The following EYS variants were observed in gnomAD, a reference collection of about 807,000 sequenced individuals.
EYS encodes the protein EGF-like photoreceptor maintenance factor.
Under a neutral mutation model 282.1 loss-of-function variants are expected in EYS, and 250 were observed. The ratio of observed to expected loss-of-function variants is 0.89; its 90% CI spans 0.80 to 0.98. The LOEUF (loss-of-function observed/expected upper bound fraction) is 0.98. Ranked by LOEUF, EYS falls within the 50% of genes least tolerant of loss-of-function variation. EYS has a pLI of 0.00. For synonymous variants in EYS, 1,355 were observed against 1,282.9 expected (o/e 1.06, Z -1.20); for missense variants, 4,016 against 3,709.0 (o/e 1.08, Z -2.15).
chr6:65,111,073 G>C (rs1231779318), intron 12 of EYS, among the ~76,000 whole-genome samples: 2 of 151,790 alleles, frequency 1.3e-5, no homozygotes, highest in East Asian at 1.9e-4. Flanking sequence ...TATGTGCATA[G>C]AAAATATTAA....
At chr6:64,036,368 T>C (rs1770121878) in intron 33 of EYS, among the ~76,000 whole-genome samples, 1 of 152,174 alleles carries the variant, frequency 6.6e-6, no homozygotes, top group Admixed American at 6.5e-5. Context: ...ATTTTGGGTA[T>C]AGAATATTGA....
At chr6:64,560,608 G>T (rs1316503742) in intron 26 of EYS, among the ~76,000 whole-genome samples, 1 of 151,938 alleles carries the variant, frequency 6.6e-6, no homozygotes, top group Non-Finnish European at 1.5e-5. Context: ...ATACCTGAAG[G>T]TCAGCGCTCT....
intron 33 of EYS, among the ~76,000 whole-genome samples, chr6:64,046,901 AG>A (rs1408114495): frequency 6.6e-6 from 1 of 152,170 alleles, no homozygotes; most frequent in Admixed American, 6.6e-5. Flanking sequence ...TGTAGGACAG[AG>A]GTCAGGGTTA....
chr6:64,299,069 G>T (rs1769137236), intron 30 of EYS, among the ~76,000 whole-genome samples: 1 of 152,186 alleles, frequency 6.6e-6, no homozygotes, highest in Admixed American at 6.5e-5. Context: ...AGGCCGGAAG[G>T]TTTTGCAAAA....
At chr6:64,531,543 C>A (rs569264824) in intron 26 of EYS, among the ~76,000 whole-genome samples, 66 of 106,364 alleles carry the variant, frequency 6.2e-4, no homozygotes, top group African/African-American at 1.8e-3. Context: ...CCCGCCACCA[C>A]GCCTGGTTTA....
chr6:64,360,124 C>T (rs112071017), intron 29 of EYS, among the ~76,000 whole-genome samples: 54 of 151,782 alleles, frequency 3.6e-4, no homozygotes, highest in South Asian at 1.2e-3. Context: ...TTATTGTACA[C>T]GTTTACGTTC....
intron 5 of EYS, among the ~76,000 whole-genome samples, chr6:65,442,399 AT>A (rs1768367214): frequency 6.6e-6 from 1 of 152,022 alleles, no homozygotes; most frequent in South Asian, 2.1e-4. Context: ...TTTATTATTT[AT>A]TTTATGGTAA....
chr6:65,281,927 T>A (rs1423271529), intron 12 of EYS, among the ~76,000 whole-genome samples: 5 of 152,128 alleles, frequency 3.3e-5, no homozygotes, highest in Non-Finnish European at 5.9e-5. Context: ...TATGTTAAAA[T>A]TTTTTATCCA....
At position 65,339,913 on chromosome 6, in the gene EYS, T is replaced by C. The variant is rs145001982; in HGVS notation, c.1599+4125A>G. Among the ~76,000 whole-genome samples the C allele has an allele frequency of 9.6e-3, 1,447 of 151,150 alleles. 26 individuals are homozygous for C. The highest frequency in any genetic ancestry group is 0.033 in the African/African-American group (1,376 of 41,350). ...TTCAAAAAGGCAGATAATTTACAACTGCAAATTTTTTAAAGTACATCCTAT... is the reference window on the plus strand; with the variant it reads ...TTCAAAAAGGCAGATAATTTACAACCGCAAATTTTTTAAAGTACATCCTAT... On this transcript the variant is annotated intron_variant, in intron 10 of 42. Coordinates refer to ENST00000503581, the MANE Select transcript of EYS (RefSeq NM_001142800.2).
chr6:63,971,204 T>A (rs1766554075), intron 35 of EYS, among the ~76,000 whole-genome samples: 2 of 152,194 alleles, frequency 1.3e-5, no homozygotes, highest in Admixed American at 6.5e-5. Flanking sequence ...ATCTAAGTAA[T>A]CTCTTCTGTC....
At chr6:64,756,998 C>T (rs1772959929) in intron 22 of EYS, among the ~76,000 whole-genome samples, 1 of 151,452 alleles carries the variant, frequency 6.6e-6, no homozygotes, top group African/African-American at 2.4e-5. Context: ...TTCTTTGAGA[C>T]TTGGTAGATG....
At chr6:63,819,522 A>G (rs914221237) in intron 36 of EYS, among the ~76,000 whole-genome samples, 1 of 152,226 alleles carries the variant, frequency 6.6e-6, no homozygotes, top group Non-Finnish European at 1.5e-5. Flanking sequence ...ACCACGTGTC[A>G]GTTAAAGTTT....
Position 65,577,246 on chromosome 6 carries a change from T to C in EYS, c.-333+62532A>G, listed in dbSNP as rs558284759. Among the ~76,000 whole-genome samples the C allele has an allele frequency of 2.0e-4, 30 of 151,832 alleles. 1 individual carries two copies. The highest frequency in any genetic ancestry group is 1.7e-3 in the Admixed American group (26 of 15,232). On this transcript the variant is annotated intron_variant, in intron 2 of 42. Coordinates refer to ENST00000503581, the MANE Select transcript of EYS (RefSeq NM_001142800.2). Reference sequence around the variant, plus strand: ...AAACAAACAAAAACCTGTTGTCCAATGGAACAGAATAGAAACTCCAAAAAT... The same window carrying C: ...AAACAAACAAAAACCTGTTGTCCAACGGAACAGAATAGAAACTCCAAAAAT...
chr6:64,350,965 T>TGC (rs1771609458), intron 29 of EYS, among the ~76,000 whole-genome samples: 1 of 151,492 alleles, frequency 6.6e-6, no homozygotes, highest in Non-Finnish European at 1.5e-5. Flanking sequence ...ACTTGTCTCC[T>TGC]GCTGCCATGT....
At chr6:64,076,896 T>C (rs576395825) in intron 32 of EYS, among the ~76,000 whole-genome samples, 1 of 152,018 alleles carries the variant, frequency 6.6e-6, no homozygotes, top group Admixed American at 6.6e-5. Context: ...CAACCAGGTT[T>C]CCCAAAGAAT....
At chr6:64,686,886 C>T (rs1281913522) in intron 22 of EYS, among the ~76,000 whole-genome samples, 11 of 67,570 alleles carry the variant, frequency 1.6e-4, no homozygotes, top group East Asian at 9.2e-4. Context: ...TATATATACA[C>T]ACACATATAT....
At chr6:64,335,023 A>G (rs1770787650) in intron 29 of EYS, among the ~76,000 whole-genome samples, 1 of 152,076 alleles carries the variant, frequency 6.6e-6, no homozygotes, top group African/African-American at 2.4e-5. Flanking sequence ...CAGACATATC[A>G]CCACCCGAAT....
At chr6:63,827,895 A>C (rs1313500022) in intron 36 of EYS, among the ~76,000 whole-genome samples, 2 of 151,884 alleles carry the variant, frequency 1.3e-5, no homozygotes, top group African/African-American at 4.8e-5. Context: ...GCACTCTCTC[A>C]GACCACAGTG....
At chr6:65,514,895 C>A (rs1017823104) in intron 2 of EYS, among the ~76,000 whole-genome samples, 1 of 152,082 alleles carries the variant, frequency 6.6e-6, no homozygotes, top group African/African-American at 2.4e-5. Flanking sequence ...GACTTCATGT[C>A]TAAAACACCA....
Sources: allele counts gnomAD v4.1 joint callset (sites outside exome capture counted in the v4.1 genomes callset), GRCh38; gene constraint gnomAD v4.1.1; transcripts MANE v1.5; gene names NCBI Gene and HGNC (gene_info 2026-07-23, HGNC 2026-07-21).